GRIA3: variants seen among roughly 807,000 people sequenced by gnomAD.
GRIA3 encodes the protein glutamate receptor 3.
Under a neutral mutation model 63.0 loss-of-function variants are expected in GRIA3, and 3 were observed. The ratio of observed to expected loss-of-function variants is 0.05; its 90% CI spans 0.02 to 0.12. GRIA3 has a LOEUF of 0.12. Among genes scored for constraint, GRIA3 ranks in the 10% least tolerant of loss-of-function variants. GRIA3 has a pLI of 1.00. For synonymous variants in GRIA3, 274 were observed against 257.9 expected (o/e 1.06, Z -0.60); for missense variants, 347 against 700.9 (o/e 0.50, Z 5.70).
At chrX:123,376,124 G>A (rs1212891275) in intron 5 of GRIA3, among the ~76,000 whole-genome samples, 1 of 111,864 alleles carries the variant, frequency 8.9e-6, no homozygotes, top group Non-Finnish European at 1.9e-5. Context: ...TCTATCTTAT[G>A]TCCTGGATAT....
intron 12 of GRIA3, among the ~76,000 whole-genome samples, chrX:123,448,849 A>G (rs1197806995): frequency 1.8e-5 from 2 of 111,885 alleles, no homozygotes; most frequent in Non-Finnish European, 3.8e-5. Flanking sequence ...TCCTGATACA[A>G]CTATGGAATT....
At chrX:123,419,132 G>T (rs1326760499) in intron 11 of GRIA3, among the ~76,000 whole-genome samples, 4 of 112,127 alleles carry the variant, frequency 3.6e-5, no homozygotes, top group African/African-American at 1.3e-4. Context: ...GCTGGGCCGG[G>T]CGCGGTGATT....
At chrX:123,250,617 G>C (rs2044383669) in intron 2 of GRIA3, among the ~76,000 whole-genome samples, 1 of 111,221 alleles carries the variant, frequency 9.0e-6, no homozygotes, top group Non-Finnish European at 1.9e-5. Flanking sequence ...TTTGCCAGTT[G>C]GTATGGATCT....
intron 2 of GRIA3, among the ~76,000 whole-genome samples, chrX:123,200,463 G>A (rs1237768251): frequency 1.8e-5 from 2 of 109,153 alleles, no homozygotes; most frequent in Admixed American, 9.9e-5. Context: ...TTTAATATTT[G>A]TGTTACTGTA....
At chrX:123,221,320 C>T (rs1349632064) in intron 2 of GRIA3, among the ~76,000 whole-genome samples, 1 of 111,794 alleles carries the variant, frequency 8.9e-6, no homozygotes, top group African/African-American at 3.3e-5. Flanking sequence ...AAAAGGTAGA[C>T]AATAAGTCTA....
chrX:123,439,803 T>A (rs1015586849), intron 12 of GRIA3, among the ~76,000 whole-genome samples: 5 of 109,684 alleles, frequency 4.6e-5, no homozygotes, highest in Non-Finnish European at 7.6e-5. Flanking sequence ...CTTTTTTTTT[T>A]ATTTATTTTC....
chrX:123,338,684 G>A (rs188757603), intron 4 of GRIA3, among the ~76,000 whole-genome samples: 1 of 111,487 alleles, frequency 9.0e-6, no homozygotes, highest in African/African-American at 3.3e-5. Context: ...CCGAGTAGCT[G>A]GGATTACAGG....
At chrX:123,250,374 G>T (rs1456407604) in intron 2 of GRIA3, among the ~76,000 whole-genome samples, 2 of 112,139 alleles carry the variant, frequency 1.8e-5, no homozygotes, top group African/African-American at 3.2e-5. Context: ...AGCAATACAA[G>T]ATTTTTTTTA....
intron 2 of GRIA3, among the ~76,000 whole-genome samples, chrX:123,234,245 A>C (rs1327508540): frequency 9.0e-6 from 1 of 111,183 alleles, no homozygotes; most frequent in Non-Finnish European, 1.9e-5. Context: ...CTCTGGCTTA[A>C]GCAGGCCACA....
intron 4 of GRIA3, among the ~76,000 whole-genome samples, chrX:123,339,413 C>T (rs1265728141): frequency 1.8e-5 from 2 of 111,882 alleles, no homozygotes; most frequent in African/African-American, 6.5e-5. Context: ...TCTCTGTAGT[C>T]CTGGATAAGG....
intron 3 of GRIA3, among the ~76,000 whole-genome samples, chrX:123,306,669 A>G (rs1373298369): frequency 9.0e-6 from 1 of 111,618 alleles, no homozygotes; most frequent in Non-Finnish European, 1.9e-5. Context: ...TCAGGGGAGG[A>G]TGCATATCTT....
intron 2 of GRIA3, among the ~76,000 whole-genome samples, chrX:123,198,168 C>T (rs971313995): frequency 2.7e-5 from 3 of 112,109 alleles, no homozygotes; most frequent in African/African-American, 9.7e-5. Context: ...ACCTCTGGAA[C>T]ATCTCTGAGT....
chrX:123,247,490 T>C (rs895875068), intron 2 of GRIA3, among the ~76,000 whole-genome samples: 2 of 111,313 alleles, frequency 1.8e-5, no homozygotes, highest in African/African-American at 6.5e-5. Context: ...ATCCAGAATG[T>C]AGTCAGAAAC....
At chrX:123,398,015 C>T (rs1376259330) in intron 6 of GRIA3, among the ~76,000 whole-genome samples, 2 of 111,423 alleles carry the variant, frequency 1.8e-5, no homozygotes, top group Non-Finnish European at 3.8e-5. Context: ...TATGAATTGT[C>T]AACATCATCA....
intron 2 of GRIA3, among the ~76,000 whole-genome samples, chrX:123,196,470 C>A (rs756512816): frequency 3.6e-5 from 4 of 111,692 alleles, no homozygotes; most frequent in Admixed American, 1.9e-4. Flanking sequence ...ATTCTGTAGA[C>A]CCAGACAAAT....
chrX:123,192,443 G>A (rs1927462599), intron 2 of GRIA3, among the ~76,000 whole-genome samples: 2 of 111,405 alleles, frequency 1.8e-5, no homozygotes, highest in African/African-American at 3.3e-5. Context: ...TCACTAAATA[G>A]TATCTCTGGA....
intron 5 of GRIA3, among the ~76,000 whole-genome samples, chrX:123,360,639 T>C (rs763848227): frequency 3.7e-4 from 34 of 92,515 alleles, no homozygotes; most frequent in African/African-American, 1.3e-3. Flanking sequence ...GAGGTTGCAG[T>C]GAGCTGAGAT....
intron 4 of GRIA3, among the ~76,000 whole-genome samples, chrX:123,344,182 A>G (rs777113517): frequency 4.5e-5 from 5 of 112,050 alleles, no homozygotes; most frequent in Non-Finnish European, 9.4e-5. Context: ...TATCACTTGC[A>G]GTGTTGTATG....
chrX:123,408,454 A>T (rs746412669), intron 10 of GRIA3, among the ~76,000 whole-genome samples: 1 of 112,140 alleles, frequency 8.9e-6, no homozygotes, highest in East Asian at 2.8e-4. Flanking sequence ...CATTGTTCAG[A>T]CAAAGACCAA....
Sources: allele counts gnomAD v4.1 joint callset (sites outside exome capture counted in the v4.1 genomes callset), GRCh38; gene constraint gnomAD v4.1.1; transcripts MANE v1.5; gene names NCBI Gene and HGNC (gene_info 2026-07-23, HGNC 2026-07-21).